The following IGF1R variants were observed in gnomAD, a reference collection of about 807,000 sequenced individuals.
The protein encoded by IGF1R is insulin like growth factor 1 receptor, also known as insulin-like growth factor 1 receptor.
Under a neutral mutation model 144.6 loss-of-function variants are expected in IGF1R, and 44 were observed. That is an observed-to-expected ratio of 0.30 (90% CI 0.24 to 0.39). IGF1R has a LOEUF of 0.39. Ranked by LOEUF, IGF1R falls within the 10% of genes least tolerant of loss-of-function variation. IGF1R has a pLI of 1.00. For missense variants in IGF1R, 1,355 were observed against 1,833.7 expected (o/e 0.74, Z 4.77); for synonymous variants, 795 against 722.8 (o/e 1.10, Z -1.60).
At chr15:98,872,969 G>A (rs2012864659) in intron 2 of IGF1R, among the ~76,000 whole-genome samples, 1 of 152,056 alleles carries the variant, frequency 6.6e-6, no homozygotes, top group South Asian at 2.1e-4. Flanking sequence ...CATAGCTTCT[G>A]GACTGGTAGT....
intron 2 of IGF1R, among the ~76,000 whole-genome samples, chr15:98,729,201 A>G (rs1414981384): frequency 6.6e-6 from 1 of 152,230 alleles, no homozygotes; most frequent in Non-Finnish European, 1.5e-5. Context: ...GAAAGGTTAG[A>G]TCTTTGTTCT....
At chr15:98,702,099 G>A (rs755844481) in intron 1 of IGF1R, among the ~76,000 whole-genome samples, 3 of 136,200 alleles carry the variant, frequency 2.2e-5, no homozygotes, top group African/African-American at 5.5e-5. Flanking sequence ...TACAGTTCTC[G>A]TGTAGGTCTT....
Position 98,963,171 on chromosome 15 carries a change from A to AC in IGF1R, c.*5730dup, listed in dbSNP as rs1368233071. On this transcript the variant is annotated 3_prime_UTR_variant, in exon 21 of 21. Transcript: ENST00000650285. The stretch of plus-strand genomic sequence containing the variant: ...TAATTGCCGAAAATAATTTAAAGAC[A>AC]CTTTTTTTTTCTCTGTGTGTGCAAA... The AC allele has an allele frequency of 2.6e-5, 6 of 228,368 alleles. No homozygotes were observed. In the East Asian group the frequency reaches 3.0e-4, roughly 12 times the overall value. 14.1% of individuals were successfully genotyped at this position (228,368 alleles called of 1,614,324 possible). A position where few individuals can be genotyped will look rare whatever the true frequency, so the allele number is the denominator to read the frequency against.
chr15:98,845,386 C>T (rs908422605), intron 2 of IGF1R, among the ~76,000 whole-genome samples: 6 of 139,862 alleles, frequency 4.3e-5, no homozygotes, highest in Admixed American at 3.5e-4. Context: ...CTCCTCCTCC[C>T]CTCCCTCCTC....
chr15:98,705,988 C>A (rs1031937881), intron 1 of IGF1R, among the ~76,000 whole-genome samples: 2 of 152,202 alleles, frequency 1.3e-5, no homozygotes, highest in African/African-American at 4.8e-5. Flanking sequence ...GGATATTTAC[C>A]GAGCTTTAAA....
At chr15:98,753,955 A>G (rs2055085538) in intron 2 of IGF1R, among the ~76,000 whole-genome samples, 2 of 152,194 alleles carry the variant, frequency 1.3e-5, no homozygotes, top group Admixed American at 6.5e-5. Context: ...CCTCTGGGAC[A>G]GATCTGCTTC....
At chr15:98,772,663 A>ATT (rs546717468) in intron 2 of IGF1R, among the ~76,000 whole-genome samples, 6 of 146,768 alleles carry the variant, frequency 4.1e-5, no homozygotes, top group Non-Finnish European at 9.1e-5. Flanking sequence ...CGCCCAGCTA[A>ATT]TTTTTTTTTT....
intron 15 of IGF1R, among the ~76,000 whole-genome samples, chr15:98,932,729 C>T (rs1441802763): frequency 7.2e-5 from 11 of 152,196 alleles, no homozygotes; most frequent in African/African-American, 2.2e-4. Flanking sequence ...GACAAGCACC[C>T]GCCTCTTCTT....
intron 1 of IGF1R, among the ~76,000 whole-genome samples, chr15:98,657,388 A>G (rs575192429): frequency 6.6e-6 from 1 of 152,320 alleles, no homozygotes; most frequent in African/African-American, 2.4e-5. Flanking sequence ...TTAGCTATTA[A>G]TTCTGTCTAG....
chr15:98,811,295 C>T (rs1249848926), intron 2 of IGF1R, among the ~76,000 whole-genome samples: 2 of 150,016 alleles, frequency 1.3e-5, no homozygotes, highest in Admixed American at 6.7e-5. Context: ...CTGAGACGGG[C>T]AGATCACAAG....
intron 1 of IGF1R, among the ~76,000 whole-genome samples, chr15:98,663,967 C>G (rs566606435): frequency 6.6e-6 from 1 of 152,262 alleles, no homozygotes; most frequent in South Asian, 2.1e-4. Context: ...AAGCAATTGC[C>G]CATCCTTAGC....
chr15:98,954,919 G>T (rs1004107544), intron 20 of IGF1R, among the ~76,000 whole-genome samples: 5 of 152,270 alleles, frequency 3.3e-5, no homozygotes, highest in Admixed American at 1.3e-4. Flanking sequence ...GTTAGGTGAG[G>T]GAGGGTCTCC....
At chr15:98,897,043 C>T (rs991642792) in intron 4 of IGF1R, 138 bp downstream of exon 4, 36 of 771,200 alleles carry the variant, frequency 4.7e-5, no homozygotes, top group Middle Eastern at 3.1e-4. Context: ...TCACGCATGA[C>T]GTCTCTTCTT....
chr15:98,650,315 C>T (rs1162658178), intron 1 of IGF1R, among the ~76,000 whole-genome samples: 27 of 152,290 alleles, frequency 1.8e-4, no homozygotes, highest in Non-Finnish European at 8.8e-5. Context: ...CTGGCCTTGC[C>T]CGTCACTTTG....
At chr15:98,658,734 A>G (rs996544534) in intron 1 of IGF1R, among the ~76,000 whole-genome samples, 2 of 152,080 alleles carry the variant, frequency 1.3e-5, no homozygotes, top group African/African-American at 4.8e-5. Flanking sequence ...GTATAGATCT[A>G]CTTTCCCATT....
intron 2 of IGF1R, among the ~76,000 whole-genome samples, chr15:98,787,384 AC>A (rs1164989091): frequency 6.6e-6 from 1 of 152,162 alleles, no homozygotes; most frequent in African/African-American, 2.4e-5. Context: ...AAAACCACCC[AC>A]CTTAAATTAT....
chr15:98,861,939 C>T (rs892956869), intron 2 of IGF1R, among the ~76,000 whole-genome samples: 8 of 152,176 alleles, frequency 5.3e-5, no homozygotes, highest in Admixed American at 4.6e-4. Context: ...TTCACATTCA[C>T]TTTTGGCCTC....
intron 2 of IGF1R, among the ~76,000 whole-genome samples, chr15:98,852,373 G>A (rs1176042697): frequency 6.6e-6 from 1 of 152,188 alleles, no homozygotes; most frequent in African/African-American, 2.4e-5. Flanking sequence ...CGTGGACCAA[G>A]GTTGTTTACT....
chr15:98,827,996 G>A (rs887937511), intron 2 of IGF1R, among the ~76,000 whole-genome samples: 33 of 152,228 alleles, frequency 2.2e-4, no homozygotes, highest in Non-Finnish European at 5.9e-5. Flanking sequence ...CAGATAGTGA[G>A]TTCCTATTGG....
Sources: gnomAD v4.1 joint callset for allele counts (sites outside exome capture counted in the v4.1 genomes callset) on GRCh38, gnomAD v4.1.1 for gene constraint, MANE v1.5 for transcripts, NCBI Gene and HGNC (gene_info 2026-07-23, HGNC 2026-07-21) for gene names.